CUL2: variants seen among roughly 807,000 people sequenced by gnomAD.
The protein encoded by CUL2 is cullin 2.
In CUL2, 22 loss-of-function variants were observed where a neutral mutation model predicts 110.2. That is an observed-to-expected ratio of 0.20 (90% CI 0.14 to 0.28). CUL2 has a LOEUF of 0.28. Among genes scored for constraint, CUL2 ranks in the 10% least tolerant of loss-of-function variants. The pLI is 1.00. For missense variants in CUL2, 631 were observed against 905.5 expected (o/e 0.70, Z 3.89); for synonymous variants, 279 against 293.2 (o/e 0.95, Z 0.49).
intron 1 of CUL2, among the ~76,000 whole-genome samples, chr10:35,084,731 C>T (rs779101745): frequency 6.6e-6 from 1 of 152,120 alleles, no homozygotes; most frequent in Admixed American, 6.6e-5. Flanking sequence ...CATTCCAAAT[C>T]GCTGCTTGTT....
intron 6 of CUL2, among the ~76,000 whole-genome samples, chr10:35,046,450 A>G (rs2085943208): frequency 6.6e-6 from 1 of 152,226 alleles, no homozygotes; most frequent in South Asian, 2.1e-4. Flanking sequence ...TAGTGGAAAA[A>G]CTGGAAGGAA....
intron 1 of CUL2, among the ~76,000 whole-genome samples, chr10:35,113,584 G>A (rs11010099): frequency 1.4e-5 from 2 of 143,832 alleles, no homozygotes; most frequent in Non-Finnish European, 3.0e-5. Flanking sequence ...TGGCATCTAC[G>A]AAAAATTACC....
At chr10:35,068,109 CAAAAA>C (rs35151461) in intron 2 of CUL2, among the ~76,000 whole-genome samples, 2 of 93,612 alleles carry the variant, frequency 2.1e-5, no homozygotes, top group East Asian at 6.5e-4. Context: ...GACTCCGTCT[CAAAAA>C]AAAAAAAAAA....
chr10:35,063,187 AAT>A, intron 2 of CUL2, 125 bp from the exon 3 acceptor site: 1 of 586,530 alleles, frequency 1.7e-6, no homozygotes, highest in Admixed American at 3.1e-5. Flanking sequence ...TAATATACAT[AAT>A]ACTGTTGTAT....
At chr10:35,095,818 C>T (rs1386074780) in intron 2 of CUL2, among the ~76,000 whole-genome samples, 5 of 152,140 alleles carry the variant, frequency 3.3e-5, no homozygotes, top group African/African-American at 1.2e-4. Flanking sequence ...GCCTCAGCCT[C>T]CCAAAGAGTT....
chr10:35,078,489 C>T (rs979491796), intron 1 of CUL2, among the ~76,000 whole-genome samples: 3 of 151,516 alleles, frequency 2.0e-5, no homozygotes, highest in Non-Finnish European at 2.9e-5. Context: ...TTAGTAGAGA[C>T]GGGGTTTCTC....
rs58058299 is a variant in CUL2 at position 35,009,201 on chromosome 10, T to TTATATATATATATA, written c.*1096_*1109dup. 7.3e-6 allele frequency: 1 copy of TTATATATATATATA among 137,896 alleles called. No individual in the cohort carries two copies. The highest frequency in any genetic ancestry group is 2.3e-4 in the South Asian group (1 of 4,352). 8.5% of individuals were successfully genotyped at this position (137,896 alleles called of 1,614,324 possible). A position where few individuals can be genotyped will look rare whatever the true frequency, so the allele number is the denominator to read the frequency against. On this transcript the variant is annotated 3_prime_UTR_variant, in exon 21 of 21. Coordinates refer to ENST00000374749, the MANE Select transcript of CUL2 (RefSeq NM_003591.4). ...CTGTTGAGATATATATATATATATA[T>TTATATATATATATA]TATATATATATATATATATAAAATA...
intron 2 of CUL2, chr10:35,099,460 G>A (rs960992504): frequency 4.6e-5 from 7 of 151,486 alleles, no homozygotes; most frequent in Non-Finnish European, 8.8e-5. Flanking sequence ...CAACATCAGT[G>A]TTAGAAGTAG....
intron 17 of CUL2, among the ~76,000 whole-genome samples, chr10:35,024,837 A>C (rs1363292693): frequency 6.6e-6 from 1 of 152,226 alleles, no homozygotes; most frequent in East Asian, 1.9e-4. Flanking sequence ...TGTCTGCCCC[A>C]TCAAATGTGA....
intron 17 of CUL2, among the ~76,000 whole-genome samples, chr10:35,021,325 CG>C (rs2085176349): frequency 1.3e-5 from 2 of 150,396 alleles, no homozygotes; most frequent in South Asian, 4.2e-4. Context: ...GGCGTGATCT[CG>C]GCTCACTGCA....
At chr10:35,084,054 A>C (rs185703085) in intron 1 of CUL2, among the ~76,000 whole-genome samples, 5 of 152,314 alleles carry the variant, frequency 3.3e-5, no homozygotes, top group African/African-American at 1.2e-4. Context: ...AAGAGGGCGG[A>C]TCTCTTGAGG....
chr10:35,026,906 C>T (rs1050729819), intron 16 of CUL2, among the ~76,000 whole-genome samples: 5 of 151,882 alleles, frequency 3.3e-5, no homozygotes, highest in African/African-American at 1.2e-4. Flanking sequence ...CATATGCATA[C>T]ATGTGCCATG....
chr10:35,064,832 C>T (rs568427062), intron 2 of CUL2, among the ~76,000 whole-genome samples: 17 of 152,044 alleles, frequency 1.1e-4, no homozygotes, highest in African/African-American at 3.6e-4. Context: ...TATGAGCCAC[C>T]GCTCAATATA....
At chr10:35,061,851 T>A (rs1291388213) in intron 3 of CUL2, among the ~76,000 whole-genome samples, 1 of 149,772 alleles carries the variant, frequency 6.7e-6, no homozygotes, top group Non-Finnish European at 1.5e-5. Flanking sequence ...CATATGATCC[T>A]CCTGCCTCAG....
At chr10:35,042,589 G>A (rs2085822199) in intron 8 of CUL2, among the ~76,000 whole-genome samples, 1 of 152,098 alleles carries the variant, frequency 6.6e-6, no homozygotes, top group Non-Finnish European at 1.5e-5. Context: ...TGTACGCTGG[G>A]GGAAAGACTA....
intron 8 of CUL2, among the ~76,000 whole-genome samples, chr10:35,039,484 T>C (rs1222455434): frequency 6.6e-6 from 1 of 152,248 alleles, no homozygotes; most frequent in African/African-American, 2.4e-5. Context: ...TAGATGAATC[T>C]AATTATTTTA....
At position 35,029,497 on chromosome 10, in the gene CUL2, A is replaced by C. The variant is rs1302599155; in HGVS notation, c.1530T>G (p.Tyr510Ter). Reference protein sequence around the residue: ...VIDLGISFQIYVLQAGAWPLT... With the variant: ...VIDLGISFQI Reference sequence around the variant, plus strand: ...AAACACATATTCATACCTGTAGAACATATATTTGAAAACTAATTCCCAAAT... The same window carrying C: ...AAACACATATTCATACCTGTAGAACCTATATTTGAAAACTAATTCCCAAAT... The change falls in exon 15 of 21, where the codon TAT (tyrosine) becomes TAG (stop). Residue 510 changes from tyrosine (Y) to a stop codon, truncating the protein, a stop_gained. Transcript: ENST00000374749. LOFTEE classifies it high-confidence loss of function. The C allele has an allele frequency of 6.5e-7, 1 of 1,548,908 alleles. No homozygotes were observed. The highest frequency in any genetic ancestry group is 8.7e-7 in the Non-Finnish European group (1 of 1,145,710).
intron 1 of CUL2, among the ~76,000 whole-genome samples, chr10:35,073,263 G>A (rs1221157366): frequency 2.0e-5 from 3 of 152,176 alleles, no homozygotes; most frequent in South Asian, 2.1e-4. Flanking sequence ...GCAAAATTGA[G>A]GGGAAGGTGA....
At chr10:35,021,054 TC>T (rs1478389188) in intron 17 of CUL2, among the ~76,000 whole-genome samples, 1 of 147,776 alleles carries the variant, frequency 6.8e-6, no homozygotes, top group African/African-American at 2.5e-5. Flanking sequence ...TGCCTCAGCC[TC>T]CCACAGTGCT....
Sources: allele counts gnomAD v4.1 joint callset (sites outside exome capture counted in the v4.1 genomes callset), GRCh38; gene constraint gnomAD v4.1.1; transcripts MANE v1.5; gene names NCBI Gene and HGNC (gene_info 2026-07-23, HGNC 2026-07-21).